Variants in MYO10 observed in about 807,000 individuals in gnomAD.
MYO10 encodes myosin X, also known as unconventional myosin-X.
Under a neutral mutation model 257.3 loss-of-function variants are expected in MYO10, and 133 were observed. That is an observed-to-expected ratio of 0.52 (90% CI 0.45 to 0.60). The LOEUF is 0.60. Ranked by LOEUF, MYO10 falls within the 20% of genes least tolerant of loss-of-function variation. The probability of loss-of-function intolerance (pLI) is 0.00; values close to 1 mark genes in which losing one functional copy is unlikely to be tolerated. For missense variants in MYO10, 2,399 were observed against 2,635.7 expected (o/e 0.91, Z 1.97); for synonymous variants, 1,104 against 1,028.6 (o/e 1.07, Z -1.40).
chr5:16,780,038 A>C (rs894736690), intron 8 of MYO10, among the ~76,000 whole-genome samples: 103 of 152,228 alleles, frequency 6.8e-4, no homozygotes, highest in African/African-American at 2.5e-3. Context: ...AGTAGCTGGA[A>C]TTACAGGCAC....
At chr5:16,765,869 T>C (rs932782512) in intron 11 of MYO10, among the ~76,000 whole-genome samples, 5 of 152,262 alleles carry the variant, frequency 3.3e-5, no homozygotes, top group Non-Finnish European at 7.3e-5. Context: ...AATTCGATGT[T>C]ATTTTAGACA....
intron 19 of MYO10, chr5:16,738,472 G>A: frequency 1.1e-6 from 1 of 936,700 alleles, no homozygotes; most frequent in Non-Finnish European, 1.3e-6. Context: ...GATTGCTCAA[G>A]GTGAGGGAGC....
intron 19 of MYO10, among the ~76,000 whole-genome samples, chr5:16,722,431 G>T (rs1739188166): frequency 6.6e-6 from 1 of 152,186 alleles, no homozygotes; most frequent in East Asian, 1.9e-4. Context: ...TCTGTTTACA[G>T]CTGTTTCTAA....
intron 4 of MYO10, among the ~76,000 whole-genome samples, chr5:16,792,132 C>CACACAGAGAGAGAGAG (rs755315207): frequency 2.7e-5 from 2 of 75,290 alleles, no homozygotes; most frequent in African/African-American, 7.0e-5. Flanking sequence ...CACACACACA[C>CACACAGAGAGAGAGAG]AGAGAGAGAG....
Position 16,754,882 on chromosome 5 carries a change from C to G in MYO10, c.1875G>C (p.Thr625=). 1 of 1,601,358 alleles carries G rather than the reference C, an allele frequency of 6.2e-7. No individual in the cohort carries two copies. Among genetic ancestry groups the G allele is most frequent in the South Asian group, 1.1e-5 (1 of 88,562 alleles). Residue 625 remains threonine (T), a synonymous_variant, in exon 19 of 41, where the codon ACG becomes ACC. Coordinates refer to ENST00000513610, the MANE Select transcript of MYO10 (RefSeq NM_012334.3). ...FKDSLHSLMA[T]LSSSNPFFVR... is the part of the protein sequence containing the mutation. ...CAAAGAAAGGATTAGAGGAGCTTAG[C>G]GTTGCCATTAAGGAATGCAGTGAGT...
At chr5:16,785,475 T>G (rs1230195545) in intron 4 of MYO10, among the ~76,000 whole-genome samples, 3 of 152,344 alleles carry the variant, frequency 2.0e-5, no homozygotes, top group East Asian at 3.9e-4. Context: ...AGTTGTCTAG[T>G]GAAAATGGTG....
intron 2 of MYO10, among the ~76,000 whole-genome samples, chr5:16,871,457 A>C (rs891746935): frequency 6.6e-6 from 1 of 152,168 alleles, no homozygotes; most frequent in Non-Finnish European, 1.5e-5. Context: ...TCTACAAAAA[A>C]TGAGTCAGGA....
intron 2 of MYO10, among the ~76,000 whole-genome samples, chr5:16,855,750 C>T (rs1743942717): frequency 6.6e-6 from 1 of 152,218 alleles, no homozygotes; most frequent in African/African-American, 2.4e-5. Flanking sequence ...CAGTTAACAT[C>T]TGTCATTAGC....
chr5:16,724,522 T>C (rs80248498), intron 19 of MYO10, among the ~76,000 whole-genome samples: 2,637 of 152,166 alleles, frequency 0.017, 78 homozygotes, highest in African/African-American at 0.06. Context: ...GCCCTCACAA[T>C]GTGTTTCTAG....
chr5:16,875,715 T>C (rs1177986577), intron 2 of MYO10, among the ~76,000 whole-genome samples: 2 of 152,232 alleles, frequency 1.3e-5, no homozygotes, highest in South Asian at 2.1e-4. Context: ...TTCCACCAAG[T>C]AGACCGCCCC....
chr5:16,741,988 AG>A, intron 19 of MYO10: 1 of 985,410 alleles, frequency 1.0e-6, no homozygotes, highest in Non-Finnish European at 1.2e-6. Context: ...TTCTACTCAA[AG>A]GAAGTCCAGC....
Position 16,783,388 on chromosome 5 carries a change from T to G in MYO10, c.549A>C (p.Glu183Asp). 6.2e-7 allele frequency: 1 copy of G among 1,606,228 alleles called. No homozygotes were observed. Among genetic ancestry groups the G allele is most frequent in the Non-Finnish European group, 8.5e-7 (1 of 1,176,254 alleles). The change falls in exon 5 of 41, where the codon GAA becomes GAC. Residue 183 changes from glutamate to aspartate, a missense_variant. Coordinates refer to ENST00000513610, the MANE Select transcript of MYO10 (RefSeq NM_012334.3). Reference sequence around the variant, plus strand: ...AGGATGTCTTCTCCTTTAAGGACAATTCCAAAGACTGTTGACTGATGACTG... The same window carrying G: ...AGGATGTCTTCTCCTTTAAGGACAAGTCCAAAGACTGTTGACTGATGACTG... ...FLSVISQQSL[E>D]LSLKEKTSCV...
At chr5:16,744,863 C>T (rs973349059) in intron 19 of MYO10, among the ~76,000 whole-genome samples, 1 of 151,834 alleles carries the variant, frequency 6.6e-6, no homozygotes, top group Admixed American at 6.6e-5. Flanking sequence ...ACAAAAATTC[C>T]GAGATAAAAT....
intron 9 of MYO10, among the ~76,000 whole-genome samples, chr5:16,770,584 C>T (rs538970374): frequency 6.6e-6 from 1 of 152,256 alleles, no homozygotes; most frequent in East Asian, 1.9e-4. Context: ...CAGACACGTA[C>T]ACACAAACTT....
intron 3 of MYO10, among the ~76,000 whole-genome samples, chr5:16,809,256 C>A (rs1742364542): frequency 6.6e-6 from 1 of 152,196 alleles, no homozygotes; most frequent in African/African-American, 2.4e-5. Flanking sequence ...TCATCTGTCC[C>A]AAGGGCACCC....
At chr5:16,753,095 A>C (rs1740426897) in intron 19 of MYO10, among the ~76,000 whole-genome samples, 1 of 152,216 alleles carries the variant, frequency 6.6e-6, no homozygotes, top group Non-Finnish European at 1.5e-5. Context: ...ATTTTCTCTT[A>C]AAGAGATGTC....
intron 35 of MYO10, among the ~76,000 whole-genome samples, chr5:16,674,633 TA>T (rs1736638541): frequency 2.0e-5 from 3 of 151,828 alleles, no homozygotes; most frequent in Non-Finnish European, 4.4e-5. Flanking sequence ...ATTAGGACAT[TA>T]CACCAACGGT....
rs77067532 is a variant in MYO10, at chr5:16,866,380, T to C, written c.120+11229A>G. On this transcript the variant is annotated intron_variant, in intron 2 of 40. Transcript: ENST00000513610. ...AAGAGTCACCAGAAAAATCCTATCT[T>C]TGAGCCATGAACAACAGATCAATGA... is the stretch of plus-strand genomic sequence containing the variant. Among the ~76,000 whole-genome samples, 334 of 152,270 alleles carry C rather than the reference T, an allele frequency of 2.2e-3. 4 individuals are homozygous for C. Among genetic ancestry groups the C allele is most frequent in the Admixed American group, 3.7e-3 (56 of 15,300 alleles).
At chr5:16,935,005 C>G (rs867693493) in intron 1 of MYO10, among the ~76,000 whole-genome samples, 2 of 152,124 alleles carry the variant, frequency 1.3e-5, no homozygotes, top group Non-Finnish European at 2.9e-5. Context: ...TAAACACAAC[C>G]AAGAAAGGAA....
Sources: gnomAD v4.1 joint callset for allele counts (sites outside exome capture counted in the v4.1 genomes callset) on GRCh38, gnomAD v4.1.1 for gene constraint, MANE v1.5 for transcripts, NCBI Gene and HGNC (gene_info 2026-07-23, HGNC 2026-07-21) for gene names.